The following SEPTIN6 variants were observed in gnomAD, a reference collection of about 807,000 sequenced individuals.
SEPTIN6 encodes the protein septin 6.
SEPTIN6 carries 8 observed loss-of-function variants against 33.6 expected under a neutral mutation model. The observed-to-expected ratio is 0.24, with a 90% CI of 0.14 to 0.43. The LOEUF is 0.43. Ranked by LOEUF, SEPTIN6 falls within the 20% of genes least tolerant of loss-of-function variation. The probability of loss-of-function intolerance (pLI) is 1.00; values close to 1 mark genes in which losing one functional copy is unlikely to be tolerated. For missense variants in SEPTIN6, 250 were observed against 340.8 expected, an observed-to-expected ratio of 0.73 and a Z score of 2.10; for synonymous variants, 131 against 140.0, an observed-to-expected ratio of 0.94 and a Z score of 0.45.
rs1371268201 is a variant in SEPTIN6, at chrX:119,618,092, G to A, written c.*2001C>T. 24 of 800,988 alleles carry A rather than the reference G, an allele frequency of 3.0e-5. No homozygotes were observed. Among genetic ancestry groups the A allele is most frequent in the Non-Finnish European group, 3.6e-5 (24 of 669,731 alleles). 66.0% of individuals were successfully genotyped at this position (800,988 alleles called of 1,213,427 possible). A position where few individuals can be genotyped will look rare whatever the true frequency, so the allele number is the denominator to read the frequency against. ...ATAGAATCATCAAAGTTGCAAATATGAAGCCTTTCCCAAGGAGACCTGACA... is the reference window on the plus strand; with the variant it reads ...ATAGAATCATCAAAGTTGCAAATATAAAGCCTTTCCCAAGGAGACCTGACA... On this transcript the variant is annotated 3_prime_UTR_variant, in exon 11 of 11. Coordinates refer to ENST00000394610, the MANE Select transcript of SEPTIN6 (RefSeq NM_145799.4).
At chrX:119,687,049 A>T (rs1333998916) in intron 1 of SEPTIN6, among the ~76,000 whole-genome samples, 1 of 111,155 alleles carries the variant, frequency 9.0e-6, no homozygotes, top group African/African-American at 3.3e-5. Context: ...CAGCAATAGC[A>T]CTTCGGACTA....
intron 2 of SEPTIN6, among the ~76,000 whole-genome samples, chrX:119,669,951 A>G (rs1015198330): frequency 9.0e-6 from 1 of 111,060 alleles, no homozygotes; most frequent in Non-Finnish European, 1.9e-5. Context: ...TATCATTATG[A>G]CCCTTTGTGC....
At chrX:119,635,667 C>T (rs1424686086) in intron 7 of SEPTIN6, among the ~76,000 whole-genome samples, 1 of 111,423 alleles carries the variant, frequency 9.0e-6, no homozygotes, top group East Asian at 2.8e-4. Flanking sequence ...CACAAGTCTG[C>T]GATTCCTGGC....
intron 4 of SEPTIN6, 96 bp downstream of exon 4, chrX:119,652,758 G>A: frequency 1.5e-6 from 1 of 685,448 alleles, no homozygotes; most frequent in Non-Finnish European, 2.2e-6. Context: ...GGGAGAGGAT[G>A]AGGATGCCAC....
chrX:119,678,239 G>C (rs1016749421), intron 1 of SEPTIN6, among the ~76,000 whole-genome samples: 16 of 109,943 alleles, frequency 1.5e-4, no homozygotes, highest in African/African-American at 5.3e-4. Context: ...ACACTGTCTC[G>C]GCCGGGCGCG....
At chrX:119,628,263 C>T (rs1486360001) in intron 9 of SEPTIN6, among the ~76,000 whole-genome samples, 5 of 104,464 alleles carry the variant, frequency 4.8e-5, no homozygotes, top group East Asian at 2.9e-4. Flanking sequence ...GTTGGGACTA[C>T]AGGCAGCTAA....
chrX:119,617,005 A>G lies in SEPTIN6; in HGVS notation c.*3088T>C. 2.0e-6 allele frequency: 2 copies of G among 1,004,827 alleles called. No individual in the cohort carries two copies. Among genetic ancestry groups the G allele is most frequent in the Non-Finnish European group, 2.5e-6 (2 of 792,425 alleles). The allele number at this position is 1,004,827 out of a possible 1,213,427, so 82.8% of individuals were successfully genotyped here. On this transcript the variant is annotated 3_prime_UTR_variant, in exon 11 of 11. Coordinates refer to ENST00000394610, the MANE Select transcript of SEPTIN6 (RefSeq NM_145799.4). Reference sequence around the variant, plus strand: ...TATTAACAGCCACATGTGAATGCCAAATGATTAAAACAAAAAAACAAAAAC... The same window carrying G: ...TATTAACAGCCACATGTGAATGCCAGATGATTAAAACAAAAAAACAAAAAC...
intron 4 of SEPTIN6, among the ~76,000 whole-genome samples, chrX:119,652,555 GA>G (rs751088807): frequency 8.9e-6 from 1 of 111,865 alleles, no homozygotes; most frequent in South Asian, 3.7e-4. Context: ...TTCGGACAAA[GA>G]AAAAAACAGC....
chrX:119,652,767 A>G, intron 4 of SEPTIN6, 87 bp downstream of exon 4: 3 of 814,535 alleles, frequency 3.7e-6, no homozygotes. Context: ...TGAGGATGCC[A>G]CAAATCTCTC....
At chrX:119,660,433 A>T (rs1284238767) in intron 3 of SEPTIN6, among the ~76,000 whole-genome samples, 2 of 112,321 alleles carry the variant, frequency 1.8e-5, no homozygotes, top group South Asian at 7.3e-4. Flanking sequence ...TTGATTTATT[A>T]TAAGTATGTA....
intron 10 of SEPTIN6, 127 bp downstream of exon 10, chrX:119,625,206 CGA>C (rs748125946): frequency 2.0e-6 from 1 of 489,407 alleles, no homozygotes; most frequent in South Asian, 3.2e-5. Context: ...TTATAAGTCA[CGA>C]GAGAAAACCA....
intron 3 of SEPTIN6, 75 bp from the exon 4 acceptor site, chrX:119,653,115 C>G: frequency 1.2e-6 from 1 of 812,763 alleles, no homozygotes; most frequent in Non-Finnish European, 1.8e-6. Context: ...TTGGAAGTTT[C>G]AAATGCCCTC....
At chrX:119,667,042 C>A (rs950407889) in intron 2 of SEPTIN6, among the ~76,000 whole-genome samples, 4 of 110,951 alleles carry the variant, frequency 3.6e-5, no homozygotes, top group African/African-American at 1.3e-4. Context: ...ACATCCTTAC[C>A]CCCAACTCCC....
intron 5 of SEPTIN6, among the ~76,000 whole-genome samples, chrX:119,646,382 A>G (rs1378524581): frequency 8.9e-6 from 1 of 112,032 alleles, no homozygotes; most frequent in African/African-American, 3.2e-5. Flanking sequence ...CAAATGGACA[A>G]TTAATGGAGC....
rs1408842315 is a variant in SEPTIN6 at position 119,617,041 on chromosome X, T to C, written c.*3052A>G. 9.4e-6 allele frequency: 9 copies of C among 955,218 alleles called. No homozygotes were observed. The highest frequency in any genetic ancestry group is 1.2e-5 in the Non-Finnish European group (9 of 763,391). 78.7% of individuals were successfully genotyped at this position (955,218 alleles called of 1,213,427 possible). A position where few individuals can be genotyped will look rare whatever the true frequency, so the allele number is the denominator to read the frequency against. On this transcript the variant is annotated 3_prime_UTR_variant, in exon 11 of 11. Transcript: ENST00000394610. ...CAAAAAAACAAAAACAAGAGCCATC[T>C]ACACTGCAGCTAGGGAAAGCAAACT...
At chrX:119,653,077 A>G (rs761974133) in intron 3 of SEPTIN6, 37 bp from the exon 4 acceptor site, 1 of 1,128,270 alleles carries the variant, frequency 8.9e-7, no homozygotes, top group South Asian at 1.9e-5. Flanking sequence ...GGATCCCGTC[A>G]AAAACTTGGA....
At chrX:119,651,872 A>G (rs778358160) in intron 4 of SEPTIN6, among the ~76,000 whole-genome samples, 1 of 111,612 alleles carries the variant, frequency 9.0e-6, no homozygotes, top group Non-Finnish European at 1.9e-5. Flanking sequence ...TCCTATTCTG[A>G]TGAGAGCTGA....
At chrX:119,643,684 A>G (rs186337594) in intron 5 of SEPTIN6, among the ~76,000 whole-genome samples, 23 of 111,510 alleles carry the variant, frequency 2.1e-4, no homozygotes, top group African/African-American at 7.5e-4. Flanking sequence ...TTCTATGGCA[A>G]TGATTAAAAG....
intron 10 of SEPTIN6, among the ~76,000 whole-genome samples, chrX:119,624,676 A>G (rs2053832779): frequency 9.0e-6 from 1 of 110,975 alleles, no homozygotes; most frequent in South Asian, 3.8e-4. Context: ...TTCTCTCATC[A>G]CCACGGTTTC....
Sources: gnomAD v4.1 joint callset for allele counts (sites outside exome capture counted in the v4.1 genomes callset) on GRCh38, gnomAD v4.1.1 for gene constraint, MANE v1.5 for transcripts, NCBI Gene and HGNC (gene_info 2026-07-23, HGNC 2026-07-21) for gene names.